ACSS1: variants seen among roughly 807,000 people sequenced by gnomAD.
The protein encoded by ACSS1 is acetyl-coenzyme A synthetase 2-like, mitochondrial.
In ACSS1, 42 loss-of-function variants were observed where a neutral mutation model predicts 75.3. That is an observed-to-expected ratio of 0.56 (90% confidence interval 0.44 to 0.72). The LOEUF is 0.72. Among genes scored for constraint, ACSS1 ranks in the 30% least tolerant of loss-of-function variants. The pLI is 0.00. For synonymous variants in ACSS1, 380 were observed against 376.8 expected (o/e 1.01, Z -0.10); for missense variants, 782 against 935.7 (o/e 0.84, Z 2.14).
At chr20:25,034,792 TC>T (rs1446883858) in intron 2 of ACSS1, among the ~76,000 whole-genome samples, 1 of 152,080 alleles carries the variant, frequency 6.6e-6, no homozygotes, top group Non-Finnish European at 1.5e-5. Flanking sequence ...GGTCTTGAAC[TC>T]CCGACCTCAG....
intron 2 of ACSS1, among the ~76,000 whole-genome samples, chr20:25,038,946 C>T (rs1291698998): frequency 7.9e-5 from 12 of 152,196 alleles, no homozygotes; most frequent in Admixed American, 7.9e-4. Context: ...ACCTCCTCTC[C>T]AGGCCCATGG....
intron 3 of ACSS1, among the ~76,000 whole-genome samples, chr20:25,027,872 A>G (rs1235532004): frequency 6.6e-6 from 1 of 152,128 alleles, no homozygotes; most frequent in Non-Finnish European, 1.5e-5. Flanking sequence ...CTATGTATAA[A>G]TCCTAATGAA....
At chr20:25,054,742 A>G (rs1038765637) in intron 1 of ACSS1, among the ~76,000 whole-genome samples, 2 of 152,260 alleles carry the variant, frequency 1.3e-5, no homozygotes, top group Admixed American at 1.3e-4. Flanking sequence ...AGCAGGAGCA[A>G]GTGTTAAATA....
chr20:25,051,402 G>A (rs2089173109), intron 1 of ACSS1, among the ~76,000 whole-genome samples: 1 of 152,200 alleles, frequency 6.6e-6, no homozygotes, highest in Non-Finnish European at 1.5e-5. Context: ...CCCAAGGGAG[G>A]GAGCAGACCT....
rs376414199 is a variant in ACSS1, at chr20:25,053,230, ATT to A, written c.334+4537_334+4538del. Reference sequence around the variant, plus strand: ...AGGTATGCACCACCACGCTCGGCTAATTTTTTTTTTTTTTTTTTGAGATGGGG... The same window carrying A: ...AGGTATGCACCACCACGCTCGGCTAATTTTTTTTTTTTTTTTGAGATGGGG... On this transcript the variant is annotated intron_variant, in intron 1 of 13. Coordinates refer to ENST00000323482, the MANE Select transcript of ACSS1 (RefSeq NM_032501.4). Among the ~76,000 whole-genome samples the A allele has an allele frequency of 6.8e-3, 901 of 133,330 alleles. 16 individuals are homozygous for A. Among genetic ancestry groups the A allele is most frequent in the African/African-American group, 0.02 (714 of 35,114 alleles). The allele number at this position is 133,330 out of a possible 152,430, so 87.5% of individuals were successfully genotyped here.
At chr20:25,019,791 G>A (rs1352055974) in intron 7 of ACSS1, among the ~76,000 whole-genome samples, 1 of 152,242 alleles carries the variant, frequency 6.6e-6, no homozygotes, top group Non-Finnish European at 1.5e-5. Context: ...GAAAATGTCT[G>A]GAACGTTGTT....
intron 2 of ACSS1, among the ~76,000 whole-genome samples, chr20:25,039,259 G>A (rs1393270228): frequency 6.6e-6 from 1 of 152,124 alleles, no homozygotes; most frequent in Non-Finnish European, 1.5e-5. Flanking sequence ...GTCAGGGCAG[G>A]ATTCAAACCC....
intron 2 of ACSS1, among the ~76,000 whole-genome samples, chr20:25,039,022 C>T (rs2088960514): frequency 6.6e-6 from 1 of 152,170 alleles, no homozygotes. Flanking sequence ...TGTCCTCACC[C>T]CACCCTCAGT....
At chr20:25,028,717 C>T (rs1288751381) in intron 3 of ACSS1, among the ~76,000 whole-genome samples, 5 of 152,132 alleles carry the variant, frequency 3.3e-5, no homozygotes, top group East Asian at 1.9e-4. Flanking sequence ...GTCAAGAGAT[C>T]GAGACCATCC....
At chr20:25,023,319 C>G in intron 4 of ACSS1, 147 bp downstream of exon 4, 1 of 1,078,142 alleles carries the variant, frequency 9.3e-7, no homozygotes, top group Non-Finnish European at 1.3e-6. Context: ...TTTTATCTTC[C>G]CAGTCAGGAC....
chr20:25,055,980 A>C (rs912775281), intron 1 of ACSS1, among the ~76,000 whole-genome samples: 7 of 152,228 alleles, frequency 4.6e-5, no homozygotes, highest in Non-Finnish European at 1.0e-4. Flanking sequence ...CAGGGGAGAA[A>C]GCTGCTGAAA....
chr20:25,043,356 A>G (rs1370089370), intron 2 of ACSS1, among the ~76,000 whole-genome samples: 1 of 152,218 alleles, frequency 6.6e-6, no homozygotes, highest in Admixed American at 6.5e-5. Flanking sequence ...CAAGCCTCTC[A>G]GAGAGGTGGC....
intron 2 of ACSS1, among the ~76,000 whole-genome samples, chr20:25,043,763 C>T (rs897295686): frequency 2.0e-5 from 3 of 152,190 alleles, no homozygotes; most frequent in African/African-American, 7.2e-5. Context: ...GACTCGGGGC[C>T]CAGCTCTGCT....
chr20:25,008,692 G>A (rs927169641), intron 13 of ACSS1, among the ~76,000 whole-genome samples: 1 of 152,272 alleles, frequency 6.6e-6, no homozygotes, highest in East Asian at 1.9e-4. Context: ...CTGGGTTGGG[G>A]GTCTGCGATC....
At chr20:25,016,399 A>T (rs1214788120) in intron 7 of ACSS1, among the ~76,000 whole-genome samples, 1 of 152,236 alleles carries the variant, frequency 6.6e-6, no homozygotes, top group Non-Finnish European at 1.5e-5. Flanking sequence ...TCTCAATAGA[A>T]AGGAAGAAGA....
At chr20:25,044,304 T>C (rs2089050974) in intron 2 of ACSS1, among the ~76,000 whole-genome samples, 1 of 152,152 alleles carries the variant, frequency 6.6e-6, no homozygotes, top group African/African-American at 2.4e-5. Context: ...AACCTGCCCA[T>C]GTGAACTACA....
At chr20:25,036,414 G>A (rs190019116) in intron 2 of ACSS1, among the ~76,000 whole-genome samples, 24 of 152,148 alleles carry the variant, frequency 1.6e-4, no homozygotes, top group African/African-American at 4.6e-4. Context: ...GAACTCAGAC[G>A]GTACAACTGC....
At chr20:25,056,393 A>G (rs1425246916) in intron 1 of ACSS1, among the ~76,000 whole-genome samples, 1 of 152,182 alleles carries the variant, frequency 6.6e-6, no homozygotes, top group African/African-American at 2.4e-5. Flanking sequence ...TGTTAAAGAA[A>G]ACACTTATCT....
intron 3 of ACSS1, among the ~76,000 whole-genome samples, chr20:25,026,847 T>G (rs1315324467): frequency 6.6e-6 from 1 of 152,196 alleles, no homozygotes; most frequent in Non-Finnish European, 1.5e-5. Flanking sequence ...GACAGAGTCA[T>G]GGCCCCTGCC....
Sources: gnomAD v4.1 joint callset for allele counts (sites outside exome capture counted in the v4.1 genomes callset) on GRCh38, gnomAD v4.1.1 for gene constraint, MANE v1.5 for transcripts, NCBI Gene and HGNC (gene_info 2026-07-23, HGNC 2026-07-21) for gene names.